The following GRIP1 variants were observed in gnomAD, a reference collection of about 807,000 sequenced individuals.
GRIP1 encodes the protein glutamate receptor-interacting protein 1.
A neutral mutation model predicts 129.9 loss-of-function variants in GRIP1; 45 were observed. That is an observed-to-expected ratio of 0.35 (90% CI 0.27 to 0.44). The LOEUF is 0.44. Among genes scored for constraint, GRIP1 ranks in the 20% least tolerant of loss-of-function variants. The probability of loss-of-function intolerance (pLI) is 1.00; values close to 1 mark genes in which losing one functional copy is unlikely to be tolerated. For missense variants in GRIP1, 1,196 were observed against 1,396.8 expected (o/e 0.86, Z 2.29); for synonymous variants, 530 against 520.8 (o/e 1.02, Z -0.24).
rs373403948 is a variant in GRIP1, at chr12:66,574,973, T to C, written c.136+21874A>G. 2.2e-4 allele frequency among the ~76,000 whole-genome samples: 33 copies of C among 152,116 alleles called. No homozygotes were observed. The East Asian group carries it at 6.4e-3, about 29-fold the overall frequency. On this transcript the variant is annotated intron_variant, in intron 2 of 24. Transcript: ENST00000359742. ...TTTTAATAGAGACGGGGTTTCACCATGTTGGCCAGGATCATCCCGAACTTC... is the reference window on the plus strand; with the variant it reads ...TTTTAATAGAGACGGGGTTTCACCACGTTGGCCAGGATCATCCCGAACTTC...
At chr12:66,730,037 G>C (rs973538724) in intron 1 of GRIP1, among the ~76,000 whole-genome samples, 22 of 152,056 alleles carry the variant, frequency 1.4e-4, no homozygotes, top group Non-Finnish European at 2.9e-4. Context: ...TTCTATTTAA[G>C]TGAATATTCA....
At chr12:66,672,623 CA>C (rs1266309505) in intron 1 of GRIP1, among the ~76,000 whole-genome samples, 1 of 151,572 alleles carries the variant, frequency 6.6e-6, no homozygotes. Flanking sequence ...TGTATATGGG[CA>C]AAAAAGTGGT....
At chr12:66,899,423 G>A (rs2040808084) in intron 1 of GRIP1, among the ~76,000 whole-genome samples, 3 of 151,782 alleles carry the variant, frequency 2.0e-5, no homozygotes, top group Non-Finnish European at 4.4e-5. Flanking sequence ...GAATGCAGTG[G>A]CACGATCATA....
intron 1 of GRIP1, among the ~76,000 whole-genome samples, chr12:66,801,868 GTAGA>G (rs1177235414): frequency 6.6e-6 from 1 of 152,116 alleles, no homozygotes; most frequent in African/African-American, 2.4e-5. Context: ...CAGCCTTAAT[GTAGA>G]TAGTTTTTCT....
intron 1 of GRIP1, among the ~76,000 whole-genome samples, chr12:66,607,615 A>G (rs1190383304): frequency 1.3e-5 from 2 of 152,162 alleles, no homozygotes; most frequent in African/African-American, 2.4e-5. Context: ...TGACTTGTGT[A>G]GCTGGCAAGG....
At chr12:66,621,681 C>T (rs1431788532) in intron 1 of GRIP1, among the ~76,000 whole-genome samples, 1 of 152,106 alleles carries the variant, frequency 6.6e-6, no homozygotes, top group Non-Finnish European at 1.5e-5. Flanking sequence ...AAACTGTTTT[C>T]CACAGCAGCT....
chr12:66,572,071 T>C lies in GRIP1; in HGVS notation c.136+24776A>G, dbSNP rs995811053. ...TTCTGGATTCTGTGCTGCCCACCCA[T>C]GGAACTGCCTTATCAGTCCTCTTCC... On this transcript the variant is annotated intron_variant, in intron 2 of 24. Transcript: ENST00000359742. 2.6e-5 allele frequency among the ~76,000 whole-genome samples: 4 copies of C among 152,298 alleles called. 1 individual carries two copies. The South Asian group carries it at 8.3e-4, about 32-fold the overall frequency.
intron 7 of GRIP1, among the ~76,000 whole-genome samples, chr12:66,467,588 CCTT>C (rs755928573): frequency 1.3e-5 from 2 of 152,156 alleles, no homozygotes; most frequent in Non-Finnish European, 2.9e-5. Flanking sequence ...TTTTAGTTGT[CCTT>C]CTATCACTAA....
chr12:66,597,805 G>A (rs1204074365), intron 1 of GRIP1, among the ~76,000 whole-genome samples: 2 of 152,032 alleles, frequency 1.3e-5, no homozygotes, highest in African/African-American at 4.8e-5. Context: ...GAATAAAGGA[G>A]TAGTAATCTA....
At chr12:66,692,889 A>G (rs1382173035) in intron 1 of GRIP1, among the ~76,000 whole-genome samples, 2 of 152,156 alleles carry the variant, frequency 1.3e-5, no homozygotes, top group Non-Finnish European at 2.9e-5. Flanking sequence ...ATTATTACAG[A>G]ATTATTTCGT....
intron 1 of GRIP1, among the ~76,000 whole-genome samples, chr12:66,863,810 G>A (rs2040153930): frequency 6.6e-6 from 1 of 152,080 alleles, no homozygotes. Flanking sequence ...TAAAATGTCA[G>A]TGCAATAACT....
chr12:67,067,041 A>T (rs868548952), intron 1 of GRIP1, among the ~76,000 whole-genome samples: 3 of 151,948 alleles, frequency 2.0e-5, no homozygotes, highest in Middle Eastern at 6.8e-3. Flanking sequence ...ACAAAAATAT[A>T]TACTAATTAT....
At chr12:66,882,210 C>CAA (rs59374332) in intron 1 of GRIP1, among the ~76,000 whole-genome samples, 8 of 129,524 alleles carry the variant, frequency 6.2e-5, no homozygotes, top group African/African-American at 2.3e-4. Context: ...TGTGCCATCA[C>CAA]AAAAAAAAAA....
intron 8 of GRIP1, among the ~76,000 whole-genome samples, chr12:66,464,508 GA>G (rs2059225949): frequency 6.6e-6 from 1 of 152,022 alleles, no homozygotes; most frequent in South Asian, 2.1e-4. Flanking sequence ...ATTTATTTAA[GA>G]AACAAAGAAA....
At chr12:66,998,156 T>G (rs1157364709) in intron 1 of GRIP1, among the ~76,000 whole-genome samples, 1 of 152,064 alleles carries the variant, frequency 6.6e-6, no homozygotes, top group Admixed American at 6.6e-5. Flanking sequence ...AAATAAAAAT[T>G]TTGGTTCCTC....
chr12:66,409,418 G>C (rs371051316), intron 15 of GRIP1, among the ~76,000 whole-genome samples: 47 of 152,314 alleles, frequency 3.1e-4, no homozygotes, highest in African/African-American at 9.9e-4. Context: ...TCTTACCCAA[G>C]ACCACCAAGG....
chr12:66,676,454 T>A (rs1166511381), intron 1 of GRIP1, among the ~76,000 whole-genome samples: 5 of 152,114 alleles, frequency 3.3e-5, no homozygotes, highest in Non-Finnish European at 5.9e-5. Flanking sequence ...AAGATCTGGG[T>A]AAGGTTTTAG....
At chr12:66,384,907 G>T (rs2056285801) in intron 19 of GRIP1, among the ~76,000 whole-genome samples, 1 of 152,222 alleles carries the variant, frequency 6.6e-6, no homozygotes, top group Non-Finnish European at 1.5e-5. Context: ...GATACAGCTG[G>T]CTGGTGATAC....
At chr12:66,781,206 G>T (rs2038147984) in intron 1 of GRIP1, among the ~76,000 whole-genome samples, 2 of 152,240 alleles carry the variant, frequency 1.3e-5, no homozygotes, top group South Asian at 4.1e-4. Flanking sequence ...CCAGTGGAAG[G>T]GTTCCCCTTT....
Sources: gnomAD v4.1 joint callset for allele counts (sites outside exome capture counted in the v4.1 genomes callset) on GRCh38, gnomAD v4.1.1 for gene constraint, MANE v1.5 for transcripts, NCBI Gene and HGNC (gene_info 2026-07-23, HGNC 2026-07-21) for gene names.